GBP4: variants seen among roughly 807,000 people sequenced by gnomAD.
GBP4 encodes the protein guanylate-binding protein 4.
In GBP4, 69 loss-of-function variants were observed where a neutral mutation model predicts 62.2. The ratio of observed to expected loss-of-function variants is 1.11; its 90% CI spans 0.91 to 1.36. The LOEUF (loss-of-function observed/expected upper bound fraction) is 1.36. Among genes scored for constraint, GBP4 ranks in the 40% most tolerant of loss-of-function variants. The pLI is 0.00. For missense variants in GBP4, 697 were observed against 759.3 expected, an observed-to-expected ratio of 0.92 and a Z score of 0.96; for synonymous variants, 278 against 274.6, an observed-to-expected ratio of 1.01 and a Z score of -0.12.
At chr1:89,186,948 G>T in intron 9 of GBP4, 52 bp downstream of exon 9, 1 of 1,483,546 alleles carries the variant, frequency 6.7e-7, no homozygotes, top group South Asian at 1.1e-5. Flanking sequence ...TCAGCAAGAA[G>T]GCATTGCAGG....
chr1:89,185,217 C>G lies in GBP4; in HGVS notation c.*37G>C, dbSNP rs1258970970. 1.6e-6 allele frequency: 2 copies of G among 1,227,554 alleles called. No individual in the cohort carries two copies. The highest frequency in any genetic ancestry group is 2.4e-6 in the Non-Finnish European group (2 of 835,762). The allele number at this position is 1,227,554 out of a possible 1,614,324, so 76.0% of individuals were successfully genotyped here. A position where few individuals can be genotyped will look rare whatever the true frequency, so the allele number is the denominator to read the frequency against. On this transcript the variant is annotated 3_prime_UTR_variant, in exon 11 of 11. Transcript: ENST00000355754. ...GTTATGTTATTAAAATAAAATAAAC[C>G]TCATTTTATATTTTCTTACCTGGAA...
chr1:89,198,830 C>T lies in GBP4; in HGVS notation c.5G>A (p.Gly2Asp). M[G>D]ERTLHAAVPT... ...CACTGCAGCGTGAAGAGTTCTCTCA[C>T]CCATTGCTCTGTCCTCCTGCGCCTG... Residue 2 changes from glycine to aspartate, a missense_variant, in exon 1 of 11, where the codon GGT becomes GAT. Transcript: ENST00000355754. The T allele has an allele frequency of 6.2e-7, 1 of 1,613,890 alleles. No individual in the cohort carries two copies. The highest frequency in any genetic ancestry group is 8.5e-7 in the Non-Finnish European group (1 of 1,179,778).
chr1:89,189,899 T>C (rs1343367038), intron 7 of GBP4, 139 bp downstream of exon 7: 5 of 738,304 alleles, frequency 6.8e-6, no homozygotes, highest in Non-Finnish European at 8.8e-6. Flanking sequence ...GGGTGACCTA[T>C]AGCCCATAGA....
intron 2 of GBP4, among the ~76,000 whole-genome samples, chr1:89,196,117 A>T (rs1648329972): frequency 6.6e-6 from 1 of 152,218 alleles, no homozygotes; most frequent in South Asian, 2.1e-4. Flanking sequence ...GTGCACCAGG[A>T]TATAAATAAT....
chr1:89,187,654 A>G (rs1648072446), intron 8 of GBP4, among the ~76,000 whole-genome samples: 1 of 152,182 alleles, frequency 6.6e-6, no homozygotes, highest in Non-Finnish European at 1.5e-5. Flanking sequence ...TCAAAAAACC[A>G]ATAAATATAT....
chr1:89,195,510 T>C (rs1275701085), intron 2 of GBP4, 86 bp from the exon 3 acceptor site: 1 of 1,500,346 alleles, frequency 6.7e-7, no homozygotes. Flanking sequence ...TGTAGGAATG[T>C]TTAAGTGGCT....
In GBP4 at chr1:89,181,558, T is replaced by A. The variant is rs1163837576; in HGVS notation, c.*3696A>T. 6.6e-6 allele frequency: 1 copy of A among 152,024 alleles called. No individual in the cohort carries two copies. Among genetic ancestry groups the A allele is most frequent in the East Asian group, 1.9e-4 (1 of 5,204 alleles). 9.4% of individuals were successfully genotyped at this position (152,024 alleles called of 1,614,324 possible). A position where few individuals can be genotyped will look rare whatever the true frequency, so the allele number is the denominator to read the frequency against. On this transcript the variant is annotated 3_prime_UTR_variant, in exon 11 of 11. Coordinates refer to ENST00000355754, the MANE Select transcript of GBP4 (RefSeq NM_052941.5). ...AAAATATATTTACTAACTATAAGTA[T>A]ATATTTACTAAACATATACATTTAT... is the stretch of plus-strand genomic sequence containing the variant.
intron 6 of GBP4, 122 bp downstream of exon 6, chr1:89,191,139 A>G (rs1340703883): frequency 1.7e-6 from 2 of 1,169,056 alleles, no homozygotes; most frequent in Non-Finnish European, 2.4e-6. Flanking sequence ...TGTGCAATGA[A>G]CATCTCCTTC....
rs1647898838 is a variant in GBP4, at chr1:89,182,189, C to G, written c.*3065G>C. 6.6e-6 allele frequency: 1 copy of G among 152,146 alleles called. No individual in the cohort carries two copies. The highest frequency in any genetic ancestry group is 2.4e-5 in the African/African-American group (1 of 41,428). The allele number at this position is 152,146 out of a possible 1,614,324, so 9.4% of individuals were successfully genotyped here. On this transcript the variant is annotated 3_prime_UTR_variant, in exon 11 of 11. Coordinates refer to ENST00000355754, the MANE Select transcript of GBP4 (RefSeq NM_052941.5). ...GCAGGATGAGCTGCAGACAAAACTTCTCAGACACCGAGTTGGAGAAGGAAG... is the reference window on the plus strand; with the variant it reads ...GCAGGATGAGCTGCAGACAAAACTTGTCAGACACCGAGTTGGAGAAGGAAG...
chr1:89,185,279 G>T lies in GBP4; in HGVS notation c.1898C>A (p.Thr633Lys). ...PGASKLLGVGTKYLGSRI is the reference protein window; with the variant it reads ...PGASKLLGVGKKYLGSRI Reference sequence around the variant, plus strand: ...TTAAATACGTGAGCCAAGATATTTTGTCCCTACTCCAAGTAGCTTGGAAGC... The same window carrying T: ...TTAAATACGTGAGCCAAGATATTTTTTCCCTACTCCAAGTAGCTTGGAAGC... The change falls in exon 11 of 11, where the codon ACA becomes AAA. Residue 633 changes from threonine to lysine, a missense_variant. By Grantham distance (78) the Thr-to-Lys change is moderately conservative (BLOSUM62 -1). Around this residue, in one of 2 missense-constraint regions of GBP4, gnomAD observed 141 missense variants for 196.6 expected, o/e 0.72. Transcript: ENST00000355754. The T allele has an allele frequency of 6.2e-7, 1 of 1,610,102 alleles. No individual in the cohort carries two copies. The highest frequency in any genetic ancestry group is 8.5e-7 in the Non-Finnish European group (1 of 1,176,566).
rs1177193857 is a variant in GBP4, at chr1:89,198,821, G to A, written c.14C>T (p.Thr5Ile). Residue 5 changes from threonine to isoleucine, a missense_variant, in exon 1 of 11, where the codon ACT becomes ATT. Thr to Ile is a moderately conservative substitution (Grantham distance 89, BLOSUM62 -1). Coordinates refer to ENST00000355754, the MANE Select transcript of GBP4 (RefSeq NM_052941.5). MGER[T>I]LHAAVPTPGY... ...TGGTGTGGGCACTGCAGCGTGAAGAGTTCTCTCACCCATTGCTCTGTCCTC... is the reference window on the plus strand; with the variant it reads ...TGGTGTGGGCACTGCAGCGTGAAGAATTCTCTCACCCATTGCTCTGTCCTC... The A allele has an allele frequency of 2.5e-6, 4 of 1,613,946 alleles. No individual in the cohort carries two copies. The highest frequency in any genetic ancestry group is 1.1e-5 in the South Asian group (1 of 91,074).
chr1:89,187,145 G>T (rs780407654), intron 8 of GBP4, 43 bp from the exon 9 acceptor site: 172 of 1,519,836 alleles, frequency 1.1e-4, no homozygotes, highest in Middle Eastern at 5.1e-4. Flanking sequence ...GGCAGCAAAG[G>T]TCTCATCTTA....
chr1:89,186,395 ACTT>A lies in GBP4; in HGVS notation c.1642_1644del (p.Lys548del), dbSNP rs768779188. ...AGAAGGTTTTCCCTTTCCTCCTCCAACTTCTTCTCCATTTGGGCCATGTATTCC... is the reference window on the plus strand; with the variant it reads ...AGAAGGTTTTCCCTTTCCTCCTCCAACTTCTCCATTTGGGCCATGTATTCC... On this transcript the variant is annotated inframe_deletion, in exon 10 of 11. Transcript: ENST00000355754. The A allele has an allele frequency of 6.1e-6, 9 of 1,467,648 alleles. No individual in the cohort carries two copies. Among genetic ancestry groups the A allele is most frequent in the Non-Finnish European group, 7.6e-6 (8 of 1,046,734 alleles). The allele number at this position is 1,467,648 out of a possible 1,614,324, so 90.9% of individuals were successfully genotyped here.
Position 89,191,301 on chromosome 1 carries a change from C to A in GBP4, c.876G>T (p.Lys292Asn), listed in dbSNP as rs747626932. The A allele has an allele frequency of 2.5e-6, 4 of 1,614,164 alleles. No individual in the cohort carries two copies. The highest frequency in any genetic ancestry group is 2.5e-6 in the Non-Finnish European group (3 of 1,180,008). ...NFCSYIFTHA[K>N]TKTLREGIIV... ...TGATTCCCTCTCTCAGGGTCTTGGT[C>A]TTTGCATGGGTGAAGATATAAGAAC... Residue 292 changes from lysine to asparagine, a missense_variant, in exon 6 of 11, where the codon AAG becomes AAT. This residue lies in a region of GBP4 where 556 missense variants were observed against 562.7 expected (regional missense o/e 0.99). Transcript: ENST00000355754.
intron 1 of GBP4, among the ~76,000 whole-genome samples, chr1:89,197,876 C>T (rs1648389046): frequency 6.6e-6 from 1 of 152,022 alleles, no homozygotes; most frequent in South Asian, 2.1e-4. Flanking sequence ...TGTAACCCAG[C>T]GAGTTACAGA....
At chr1:89,196,841 T>A (rs542166078) in intron 2 of GBP4, among the ~76,000 whole-genome samples, 1 of 152,204 alleles carries the variant, frequency 6.6e-6, no homozygotes, top group South Asian at 2.1e-4. Flanking sequence ...AGAAAGGGAA[T>A]AATTGCTGGG....
chr1:89,197,906 C>T (rs931379422), intron 1 of GBP4, among the ~76,000 whole-genome samples: 14 of 151,996 alleles, frequency 9.2e-5, no homozygotes, highest in Admixed American at 7.9e-4. Context: ...CACTCTGAGA[C>T]GAATTCAGGA....
intron 3 of GBP4, 65 bp from the exon 4 acceptor site, chr1:89,193,477 T>A: frequency 2.1e-6 from 3 of 1,405,470 alleles, no homozygotes. Context: ...ATTCATTTGG[T>A]TGTTCATTAG....
intron 8 of GBP4, among the ~76,000 whole-genome samples, chr1:89,187,854 T>C (rs1024854480): frequency 6.6e-6 from 1 of 152,118 alleles, no homozygotes; most frequent in African/African-American, 2.4e-5. Context: ...GGCAAAGATA[T>C]GGAGAAAAGG....
Sources: allele counts gnomAD v4.1 joint callset (sites outside exome capture counted in the v4.1 genomes callset), GRCh38; gene constraint gnomAD v4.1.1; regional missense constraint gnomAD v4.1.1; transcripts MANE v1.5; gene names NCBI Gene and HGNC (gene_info 2026-07-23, HGNC 2026-07-21).